The following INPP5A variants were observed in gnomAD, a reference collection of about 807,000 sequenced individuals.
INPP5A encodes the protein inositol polyphosphate-5-phosphatase A.
In INPP5A, 14 loss-of-function variants were observed where a neutral mutation model predicts 65.2. The observed-to-expected ratio is 0.21, with a 90% CI of 0.14 to 0.34. The LOEUF is 0.34. Among genes scored for constraint, INPP5A ranks in the 10% least tolerant of loss-of-function variants. The pLI is 1.00. For missense variants in INPP5A, 431 were observed against 545.6 expected (o/e 0.79, Z 2.09); for synonymous variants, 207 against 208.3 (o/e 0.99, Z 0.05).
At position 132,729,518 on chromosome 10, in the gene INPP5A, G is replaced by C. The variant is rs75110512; in HGVS notation, c.732+2613G>C. On this transcript the variant is annotated intron_variant, in intron 9 of 15. Coordinates refer to ENST00000368594, the MANE Select transcript of INPP5A (RefSeq NM_005539.5). Reference sequence around the variant, plus strand: ...AGCAGGAACTGCCTCCCGGGCCTCAGTGGGCTCTCCGGACCTTCCAGTTTC... The same window carrying C: ...AGCAGGAACTGCCTCCCGGGCCTCACTGGGCTCTCCGGACCTTCCAGTTTC... Among the ~76,000 whole-genome samples, 272 of 152,360 alleles carry C rather than the reference G, an allele frequency of 1.8e-3. 5 individuals carry two copies. The East Asian group carries it at 0.039, about 22-fold the overall frequency.
chr10:132,694,891 A>G (rs146786769), intron 5 of INPP5A, among the ~76,000 whole-genome samples: 156 of 152,358 alleles, frequency 1.0e-3, no homozygotes, highest in African/African-American at 3.5e-3. Context: ...TGAATAAGTA[A>G]TTAATAACCT....
At chr10:132,640,502 G>A (rs2072412513) in intron 2 of INPP5A, among the ~76,000 whole-genome samples, 1 of 152,262 alleles carries the variant, frequency 6.6e-6, no homozygotes, top group Non-Finnish European at 1.5e-5. Context: ...CCGTAAGTGT[G>A]GCCCAGGCTT....
In INPP5A at chr10:132,650,714, G is replaced by A. The variant is rs921428138; in HGVS notation, c.306+209G>A. On this transcript the variant is annotated intron_variant, in intron 4 of 15. Coordinates refer to ENST00000368594, the MANE Select transcript of INPP5A (RefSeq NM_005539.5). The surrounding 1 kb of genome is among the most constrained non-coding windows in gnomAD (Gnocchi z 5.5). ...CCTGGCAGGGAAGGTGGCCCAGCAC[G>A]CACAGGGTCTTGGGGCTCCAGACCA... is the stretch of plus-strand genomic sequence containing the variant. 1.3e-5 allele frequency among the ~76,000 whole-genome samples: 2 copies of A among 152,206 alleles called. No homozygotes were observed. The highest frequency in any genetic ancestry group is 1.3e-4 in the Admixed American group (2 of 15,286).
intron 4 of INPP5A, among the ~76,000 whole-genome samples, chr10:132,684,391 G>A (rs889208471): frequency 5.3e-5 from 8 of 152,206 alleles, no homozygotes; most frequent in Admixed American, 5.2e-4. Context: ...GTCTACAGGT[G>A]TATGCATGTA....
chr10:132,701,240 A>C (rs1845431719), intron 6 of INPP5A, among the ~76,000 whole-genome samples: 1 of 152,204 alleles, frequency 6.6e-6, no homozygotes, highest in Non-Finnish European at 1.5e-5. Flanking sequence ...TCATCAGGTG[A>C]AGGATGTACC....
chr10:132,703,209 G>A (rs916303479), intron 6 of INPP5A, among the ~76,000 whole-genome samples: 7 of 152,112 alleles, frequency 4.6e-5, no homozygotes, highest in African/African-American at 9.7e-5. Flanking sequence ...GGACAGATCC[G>A]GGCTCTTGTG....
At chr10:132,643,849 C>T (rs910886325) in intron 2 of INPP5A, among the ~76,000 whole-genome samples, 5 of 152,142 alleles carry the variant, frequency 3.3e-5, no homozygotes, top group African/African-American at 4.8e-5. Context: ...GTGCTGACAT[C>T]GCCTCCCACT....
At chr10:132,752,111 G>GTGCCCAGGAGGCGTCTGGGTGGAGGAGGC (rs1564999639) in intron 11 of INPP5A, among the ~76,000 whole-genome samples, 1 of 144,302 alleles carries the variant, frequency 6.9e-6, no homozygotes, top group African/African-American at 2.5e-5. Flanking sequence ...GTGGAGGCGG[G>GTGCCCAGGAGGCGTCTGGGTGGAGGAGGC]TGCCCAGGAG....
At chr10:132,653,804 C>G (rs115358794) in intron 4 of INPP5A, among the ~76,000 whole-genome samples, 15 of 152,240 alleles carry the variant, frequency 9.9e-5, no homozygotes, top group Non-Finnish European at 1.9e-4. Context: ...CGCTGCAGAT[C>G]GTACGGCAGC....
rs548195073 is a variant in INPP5A at position 132,680,455 on chromosome 10, G to A, written c.307-9937G>A. ...ATACCTTATACCCATTAGGATGGCT[G>A]TTGTCAAAAAGCGCAGAAGATAGTG... On this transcript the variant is annotated intron_variant, in intron 4 of 15. Transcript: ENST00000368594. 1.2e-4 allele frequency among the ~76,000 whole-genome samples: 18 copies of A among 152,374 alleles called. No individual in the cohort carries two copies. In the South Asian group the frequency reaches 2.7e-3, roughly 23 times the overall value.
At chr10:132,719,512 C>G (rs562209923) in intron 8 of INPP5A, among the ~76,000 whole-genome samples, 1 of 139,024 alleles carries the variant, frequency 7.2e-6, no homozygotes, top group African/African-American at 3.0e-5. Flanking sequence ...TCTGTCTGGG[C>G]GCCTTAGACG....
intron 8 of INPP5A, among the ~76,000 whole-genome samples, chr10:132,720,791 T>G (rs1344254728): frequency 6.7e-6 from 1 of 150,016 alleles, no homozygotes; most frequent in Non-Finnish European, 1.5e-5. Context: ...GGGTTCTGTC[T>G]GGGCGCCTTA....
chr10:132,757,488 C>G (rs1198872174), intron 11 of INPP5A, among the ~76,000 whole-genome samples: 1 of 152,256 alleles, frequency 6.6e-6, no homozygotes, highest in African/African-American at 2.4e-5. Context: ...AGCCCTGGAG[C>G]CACGGGCCTC....
intron 11 of INPP5A, among the ~76,000 whole-genome samples, chr10:132,754,472 A>C (rs981792489): frequency 9.9e-5 from 15 of 151,882 alleles, no homozygotes; most frequent in African/African-American, 2.4e-4. Flanking sequence ...GGGGGCGAGC[A>C]CCTATGGGCC....
intron 1 of INPP5A, among the ~76,000 whole-genome samples, chr10:132,557,564 C>T (rs1229257665): frequency 3.9e-5 from 6 of 152,234 alleles, no homozygotes; most frequent in Non-Finnish European, 8.8e-5. Context: ...CTTCTTGCCT[C>T]TTTTCTGAGT....
At chr10:132,717,870 G>A in intron 8 of INPP5A, among the ~76,000 whole-genome samples, 1 of 142,684 alleles carries the variant, frequency 7.0e-6, no homozygotes, top group African/African-American at 2.8e-5. Context: ...CCTGGGTTCT[G>A]TCTGGGCGCC....
chr10:132,712,748 G>A (rs571645013), intron 8 of INPP5A, among the ~76,000 whole-genome samples: 7 of 151,862 alleles, frequency 4.6e-5, no homozygotes, highest in Admixed American at 2.6e-4. Flanking sequence ...GTGTGTGTAG[G>A]TGCATGTGTC....
chr10:132,554,461 G>C (rs2071097716), intron 1 of INPP5A, among the ~76,000 whole-genome samples: 1 of 152,212 alleles, frequency 6.6e-6, no homozygotes, highest in Admixed American at 6.5e-5. Flanking sequence ...TAAGGAAGGG[G>C]CAGCTGTTCA....
chr10:132,679,362 C>T (rs1386593195), intron 4 of INPP5A, among the ~76,000 whole-genome samples: 1 of 152,082 alleles, frequency 6.6e-6, no homozygotes, highest in Non-Finnish European at 1.5e-5. Context: ...GGACTTGTCA[C>T]GGGAGACCCA....
Sources: allele counts gnomAD v4.1 joint callset (sites outside exome capture counted in the v4.1 genomes callset), GRCh38; gene constraint gnomAD v4.1.1; non-coding constraint Gnocchi (gnomAD v3.1); transcripts MANE v1.5; gene names NCBI Gene and HGNC (gene_info 2026-07-23, HGNC 2026-07-21).